The following B3GNT2 variants were observed in gnomAD, a reference collection of about 807,000 sequenced individuals.
B3GNT2 encodes the protein N-acetyllactosaminide beta-1,3-N-acetylglucosaminyltransferase 2.
In B3GNT2, 12 loss-of-function variants were observed where a neutral mutation model predicts 27.6. The observed-to-expected ratio is 0.44, with a 90% CI of 0.28 to 0.71. B3GNT2 has a LOEUF of 0.71. Among genes scored for constraint, B3GNT2 ranks in the 30% least tolerant of loss-of-function variants. The probability of loss-of-function intolerance (pLI) is 0.17; values close to 1 mark genes in which losing one functional copy is unlikely to be tolerated. For missense variants in B3GNT2, 413 were observed against 488.5 expected (o/e 0.85, Z 1.46); for synonymous variants, 192 against 189.7 (o/e 1.01, Z -0.10).
At chr2:62,211,375 A>T (rs987829089) in intron 1 of B3GNT2, among the ~76,000 whole-genome samples, 1 of 152,018 alleles carries the variant, frequency 6.6e-6, no homozygotes, top group Non-Finnish European at 1.5e-5. Flanking sequence ...CCCCAAAAAA[A>T]TTTGATAAGG....
chr2:62,204,236 G>T (rs1674325554), intron 1 of B3GNT2, among the ~76,000 whole-genome samples: 2 of 152,182 alleles, frequency 1.3e-5, no homozygotes, highest in African/African-American at 4.8e-5. Context: ...GTGCTGGTCA[G>T]GCTGGTCTCG....
intron 1 of B3GNT2, among the ~76,000 whole-genome samples, chr2:62,216,688 G>T (rs1674581380): frequency 6.6e-6 from 1 of 152,184 alleles, no homozygotes; most frequent in Non-Finnish European, 1.5e-5. Flanking sequence ...ACAGGCGTGA[G>T]CCATGGCACC....
At chr2:62,203,251 G>T (rs1035606215) in intron 1 of B3GNT2, among the ~76,000 whole-genome samples, 1 of 150,832 alleles carries the variant, frequency 6.6e-6, no homozygotes, top group Non-Finnish European at 1.5e-5. Flanking sequence ...TTGTTTGGAA[G>T]AGGTGGGTGA....
chr2:62,205,302 C>T (rs965850581), intron 1 of B3GNT2, among the ~76,000 whole-genome samples: 23 of 152,240 alleles, frequency 1.5e-4, no homozygotes, highest in African/African-American at 5.3e-4. Context: ...GGCGGGTGGC[C>T]GGAGAAAGCT....
chr2:62,201,268 C>T (rs1045823681), intron 1 of B3GNT2, among the ~76,000 whole-genome samples: 1 of 152,156 alleles, frequency 6.6e-6, no homozygotes, highest in Non-Finnish European at 1.5e-5. Flanking sequence ...TTGACATTTC[C>T]TCTCTAAAGA....
intron 1 of B3GNT2, among the ~76,000 whole-genome samples, chr2:62,204,136 C>T (rs930568418): frequency 1.3e-5 from 2 of 152,140 alleles, no homozygotes; most frequent in South Asian, 2.1e-4. Flanking sequence ...AAGCAATTCT[C>T]CTGCCTCAGT....
At chr2:62,221,368 C>G (rs1674688327) in intron 1 of B3GNT2, among the ~76,000 whole-genome samples, 1 of 152,194 alleles carries the variant, frequency 6.6e-6, no homozygotes. Flanking sequence ...AGTCTGCTTT[C>G]ATTTTCTCTG....
intron 1 of B3GNT2, among the ~76,000 whole-genome samples, chr2:62,207,505 C>T (rs981518596): frequency 6.6e-6 from 1 of 152,180 alleles, no homozygotes; most frequent in East Asian, 1.9e-4. Flanking sequence ...AAGTGAGGTA[C>T]ATCCGTGGTC....
In B3GNT2 at chr2:62,224,224, A is replaced by C. The variant is rs1473805471; in HGVS notation, c.*810A>C. ...AATTTTCAATATGGACCAGGAAGGC[A>C]TATGTATTTTGAACTTGAGTGAAAA... is the stretch of plus-strand genomic sequence containing the variant. On this transcript the variant is annotated 3_prime_UTR_variant, in exon 2 of 2. Transcript: ENST00000301998. 1 of 167,116 alleles carries C rather than the reference A, an allele frequency of 6.0e-6. No individual in the cohort carries two copies. The highest frequency in any genetic ancestry group is 2.4e-5 in the African/African-American group (1 of 41,462). The allele number at this position is 167,116 out of a possible 1,614,324, so 10.4% of individuals were successfully genotyped here. A position where few individuals can be genotyped will look rare whatever the true frequency, so the allele number is the denominator to read the frequency against.
At chr2:62,216,491 G>A (rs917968596) in intron 1 of B3GNT2, among the ~76,000 whole-genome samples, 1 of 151,908 alleles carries the variant, frequency 6.6e-6, no homozygotes, top group Non-Finnish European at 1.5e-5. Context: ...CTGCTGCCTG[G>A]ATCTTCTGGG....
At chr2:62,200,153 G>C (rs1274372286) in intron 1 of B3GNT2, among the ~76,000 whole-genome samples, 1 of 151,980 alleles carries the variant, frequency 6.6e-6, no homozygotes, top group Non-Finnish European at 1.5e-5. Flanking sequence ...TTTTTGCCTT[G>C]TCTTAATTTT....
chr2:62,210,108 G>T (rs903850480), intron 1 of B3GNT2, among the ~76,000 whole-genome samples: 9 of 152,324 alleles, frequency 5.9e-5, no homozygotes, highest in Admixed American at 3.9e-4. Context: ...TCCTTGGAAT[G>T]GTTTACATCT....
chr2:62,219,683 T>G (rs1213643802), intron 1 of B3GNT2, among the ~76,000 whole-genome samples: 1 of 152,220 alleles, frequency 6.6e-6, no homozygotes, highest in Non-Finnish European at 1.5e-5. Flanking sequence ...ACAGCAGTAC[T>G]GGGTCAAGGG....
At chr2:62,217,784 TG>T (rs745513169) in intron 1 of B3GNT2, among the ~76,000 whole-genome samples, 1 of 152,250 alleles carries the variant, frequency 6.6e-6, no homozygotes, top group South Asian at 2.1e-4. Context: ...ACTTTGTTTT[TG>T]TGTAGTATTT....
At chr2:62,217,299 T>C (rs187735260) in intron 1 of B3GNT2, among the ~76,000 whole-genome samples, 1 of 152,354 alleles carries the variant, frequency 6.6e-6, no homozygotes, top group East Asian at 1.9e-4. Flanking sequence ...GAGCTATCAT[T>C]GCCTGGGTTT....
intron 1 of B3GNT2, among the ~76,000 whole-genome samples, chr2:62,206,170 G>A (rs1319730309): frequency 1.3e-5 from 2 of 152,136 alleles, no homozygotes; most frequent in Non-Finnish European, 2.9e-5. Flanking sequence ...GGGTTTTAGG[G>A]GTGGCCTGCC....
At chr2:62,206,409 T>A (rs976967910) in intron 1 of B3GNT2, among the ~76,000 whole-genome samples, 1 of 152,228 alleles carries the variant, frequency 6.6e-6, no homozygotes, top group Non-Finnish European at 1.5e-5. Context: ...GCCCATGGCA[T>A]ATGGACAAGC....
At chr2:62,202,219 G>T (rs1674279365) in intron 1 of B3GNT2, among the ~76,000 whole-genome samples, 1 of 152,224 alleles carries the variant, frequency 6.6e-6, no homozygotes, top group Non-Finnish European at 1.5e-5. Flanking sequence ...TGGTAAGATT[G>T]CCTTGGTAGA....
intron 1 of B3GNT2, among the ~76,000 whole-genome samples, chr2:62,204,378 T>C (rs1233348090): frequency 1.3e-5 from 2 of 152,240 alleles, no homozygotes; most frequent in African/African-American, 4.8e-5. Flanking sequence ...TTTTTGAGTC[T>C]TGATCAGGGA....
Sources: allele counts gnomAD v4.1 joint callset (sites outside exome capture counted in the v4.1 genomes callset), GRCh38; gene constraint gnomAD v4.1.1; transcripts MANE v1.5; gene names NCBI Gene and HGNC (gene_info 2026-07-23, HGNC 2026-07-21).